BSN: variants seen among roughly 807,000 people sequenced by gnomAD.
BSN encodes the protein protein bassoon.
In BSN, 57 loss-of-function variants were observed where a neutral mutation model predicts 264.8. That is an observed-to-expected ratio of 0.22 (90% CI 0.17 to 0.27). The LOEUF (loss-of-function observed/expected upper bound fraction) is 0.27. BSN is among the 10% of genes least tolerant of loss of function. BSN has a pLI of 1.00. For synonymous variants in BSN, 2,059 were observed against 2,137.3 expected, an observed-to-expected ratio of 0.96 and a Z score of 1.01; for missense variants, 4,615 against 5,232.5, an observed-to-expected ratio of 0.88 and a Z score of 3.64.
chr3:49,625,395 T>A lies in BSN; in HGVS notation c.633+12T>A, dbSNP rs1202846586. The A allele has an allele frequency of 6.8e-7, 1 of 1,460,338 alleles. No homozygotes were observed. The highest frequency in any genetic ancestry group is 1.5e-5 in the South Asian group (1 of 66,824). 90.5% of individuals were successfully genotyped at this position (1,460,338 alleles called of 1,614,324 possible). On this transcript the variant is annotated intron_variant, in intron 2 of 11. Transcript: ENST00000296452. The surrounding 1 kb of genome is among the most constrained non-coding windows in gnomAD (Gnocchi z 4.4). The stretch of plus-strand genomic sequence containing the variant: ...CTCATCTCACCCAGGTAACCACTTC[T>A]GCGCCGGCTCCCCACTCACCTGCTA...
chr3:49,608,853 A>T (rs1245073713), intron 1 of BSN, among the ~76,000 whole-genome samples: 2 of 151,370 alleles, frequency 1.3e-5, no homozygotes, highest in Non-Finnish European at 1.5e-5. Context: ...AAAGAATTGC[A>T]TTCAGTAGGT....
intron 2 of BSN, among the ~76,000 whole-genome samples, chr3:49,634,134 G>A (rs1424890036): frequency 6.6e-6 from 1 of 151,968 alleles, no homozygotes; most frequent in Non-Finnish European, 1.5e-5. Context: ...CTTGAACCCA[G>A]GAGGCGGAGG....
intron 1 of BSN, among the ~76,000 whole-genome samples, chr3:49,619,499 A>G (rs755069595): frequency 1.3e-5 from 2 of 152,172 alleles, no homozygotes; most frequent in Non-Finnish European, 2.9e-5. Context: ...CAGCTCCACC[A>G]TTTGCAAGTC....
chr3:49,585,424 T>C lies in BSN; in HGVS notation c.224+30598T>C, dbSNP rs1477524796. 6.6e-6 allele frequency among the ~76,000 whole-genome samples: 1 copy of C among 152,164 alleles called. No homozygotes were observed. Among genetic ancestry groups the C allele is most frequent in the Non-Finnish European group, 1.5e-5 (1 of 68,018 alleles). ...TTCCTCTGGTGAGGCCGGCGCTCCC[T>C]TCCCAGGCCGCAGCGGACAGACAGG... On this transcript the variant is annotated intron_variant, in intron 1 of 11. Transcript: ENST00000296452. This position sits in a 1 kb window ranked among gnomAD's most constrained non-coding sequence, Gnocchi z 4.7.
In BSN at chr3:49,650,799, C is replaced by A; in HGVS notation, c.1706C>A (p.Pro569His). The change falls in exon 4 of 12, where the codon CCT becomes CAT. Residue 569 changes from proline (P) to histidine (H), a missense_variant. Physicochemically the swap from Pro to His is moderately conservative, Grantham distance 77 (BLOSUM62 -2). Coordinates refer to ENST00000296452, the MANE Select transcript of BSN (RefSeq NM_003458.4). ...CTGGGCCAGCCTTCAGGCCCCCTGC[C>A]TGCCAAGGCCAGCCCTCTATCCACC... is the stretch of plus-strand genomic sequence containing the variant. ...QGLGQPSGPL[P>H]AKASPLSTKA... 6.2e-7 allele frequency: 1 copy of A among 1,613,978 alleles called. No homozygotes were observed. Among genetic ancestry groups the A allele is most frequent in the East Asian group, 2.2e-5 (1 of 44,880 alleles).
intron 1 of BSN, among the ~76,000 whole-genome samples, chr3:49,591,543 A>G (rs1214551917): frequency 1.3e-5 from 2 of 151,976 alleles, no homozygotes; most frequent in African/African-American, 4.8e-5. Flanking sequence ...TTATCTGGTA[A>G]TATCTTTATT....
chr3:49,620,793 T>C (rs2052299431), intron 1 of BSN, among the ~76,000 whole-genome samples: 1 of 152,178 alleles, frequency 6.6e-6, no homozygotes. Flanking sequence ...GTTCAAAGCC[T>C]GGCCAACATG....
chr3:49,610,592 A>AAAC (rs1464056410), intron 1 of BSN, among the ~76,000 whole-genome samples: 1 of 151,380 alleles, frequency 6.6e-6, no homozygotes, highest in Non-Finnish European at 1.5e-5. Context: ...CTCAAAAAAA[A>AAAC]AAAAAAAAAA....
chr3:49,567,288 G>A (rs1036423011), intron 1 of BSN, among the ~76,000 whole-genome samples: 9 of 152,058 alleles, frequency 5.9e-5, no homozygotes, highest in Non-Finnish European at 1.2e-4. Context: ...TGATTAAGAG[G>A]ATATAAAATT....
In BSN at chr3:49,662,904, C is replaced by T. The variant is rs747793602; in HGVS notation, c.10746C>T (p.Asp3582=). The T allele has an allele frequency of 1.9e-6, 3 of 1,596,438 alleles. No individual in the cohort carries two copies. The change falls in exon 7 of 12, where the codon GAC becomes GAT. Residue 3582 remains aspartate, a synonymous_variant. Transcript: ENST00000296452. ...EAYHLGQEET[D]WFDKPRDARS... ...ATCACCTGGGCCAGGAGGAGACGGACTGGTTTGATAAGCCCCGGGATGCCC... is the reference window on the plus strand; with the variant it reads ...ATCACCTGGGCCAGGAGGAGACGGATTGGTTTGATAAGCCCCGGGATGCCC...
In BSN at chr3:49,661,796, C is replaced by A. The variant is rs1469066635; in HGVS notation, c.9951C>A (p.Thr3317=). Residue 3317 remains threonine, a synonymous_variant, in exon 6 of 12, where the codon ACC becomes ACA. Coordinates refer to ENST00000296452, the MANE Select transcript of BSN (RefSeq NM_003458.4). ...SMESNGRPAS[T]HYYGDSDYRH... ...AGAGCAATGGTCGACCAGCCAGTAC[C>A]CACTACTATGGTGACAGTGACTACA... is the stretch of plus-strand genomic sequence containing the variant. The A allele has an allele frequency of 6.2e-7, 1 of 1,613,600 alleles. No individual in the cohort carries two copies. Among genetic ancestry groups the A allele is most frequent in the Non-Finnish European group, 8.5e-7 (1 of 1,180,040 alleles).
intron 1 of BSN, among the ~76,000 whole-genome samples, chr3:49,594,684 T>G (rs1417696125): frequency 1.3e-5 from 2 of 152,172 alleles, no homozygotes; most frequent in Admixed American, 6.5e-5. Flanking sequence ...ACATAAATTT[T>G]AGAATGAGTT....
chr3:49,650,900 A>G lies in BSN; in HGVS notation c.1807A>G (p.Ser603Gly), dbSNP rs374086109. 208 of 1,614,046 alleles carry G rather than the reference A, an allele frequency of 1.3e-4. 1 individual carries two copies. Among genetic ancestry groups the G allele is most frequent in the Non-Finnish European group, 1.7e-4 (196 of 1,180,038 alleles). The change falls in exon 4 of 12, where the codon AGC (serine) becomes GGC (glycine). Residue 603 changes from serine (S) to glycine (G), a missense_variant. Around this residue, in one of 3 missense-constraint regions of BSN, gnomAD observed 1,197 missense variants for 1,348.0 expected, o/e 0.89. Coordinates refer to ENST00000296452, the MANE Select transcript of BSN (RefSeq NM_003458.4). ...GGCTTCTGAACCCAGCAAGACCCCAAGCAGTGTCCAGGAAAAGAAGACCCG... is the reference window on the plus strand; with the variant it reads ...GGCTTCTGAACCCAGCAAGACCCCAGGCAGTGTCCAGGAAAAGAAGACCCG... ...LRASEPSKTP[S>G]SVQEKKTRVP... is the part of the protein sequence containing the mutation.
At chr3:49,605,928 A>ATAG (rs1179808402) in intron 1 of BSN, among the ~76,000 whole-genome samples, 1 of 52,062 alleles carries the variant, frequency 1.9e-5, no homozygotes, top group Non-Finnish European at 3.4e-5. Flanking sequence ...ATAGATATAA[A>ATAG]ATCTATTTAT....
At position 49,653,300 on chromosome 3, in the gene BSN, G is replaced by C; in HGVS notation, c.3744G>C (p.Thr1248=). The C allele has an allele frequency of 6.2e-7, 1 of 1,612,280 alleles. No homozygotes were observed. The highest frequency in any genetic ancestry group is 2.2e-5 in the East Asian group (1 of 44,868). ...GQAAQPAAEG[T]PASLGAAVYE... ...CTGCTCAGCCTGCCGCAGAGGGCAC[G>C]CCAGCCAGCCTGGGAGCAGCCGTGT... The change falls in exon 5 of 12, where the codon ACG becomes ACC. Residue 1248 remains threonine (T), a synonymous_variant. Coordinates refer to ENST00000296452, the MANE Select transcript of BSN (RefSeq NM_003458.4). This position sits in a 1 kb window ranked among gnomAD's most constrained non-coding sequence, Gnocchi z 6.3.
At chr3:49,605,937 A>T (rs1406654966) in intron 1 of BSN, among the ~76,000 whole-genome samples, 3 of 88,404 alleles carry the variant, frequency 3.4e-5, no homozygotes, top group Non-Finnish European at 5.8e-5. Context: ...AAATCTATTT[A>T]TATATAAATA....
intron 2 of BSN, among the ~76,000 whole-genome samples, chr3:49,636,753 A>G (rs1378171433): frequency 6.6e-6 from 1 of 152,204 alleles, no homozygotes; most frequent in Admixed American, 6.5e-5. Context: ...GCCCACTGGG[A>G]CCCTGTGGTA....
Position 49,656,901 on chromosome 3 carries a change from C to G in BSN, c.7345C>G (p.Arg2449Gly). Residue 2449 changes from arginine to glycine, a missense_variant, in exon 5 of 12, where the codon CGT becomes GGT. Coordinates refer to ENST00000296452, the MANE Select transcript of BSN (RefSeq NM_003458.4). ...GCAGCGGGAACAGCTAGCGCAGCAGCGTCTGCAGCTGGAGCAGATCCAGCA... is the reference window on the plus strand; with the variant it reads ...GCAGCGGGAACAGCTAGCGCAGCAGGGTCTGCAGCTGGAGCAGATCCAGCA... Reference protein sequence around the residue: ...ALQREQLAQQRLQLEQIQQLQ... With the variant: ...ALQREQLAQQGLQLEQIQQLQ... 1 of 1,600,532 alleles carries G rather than the reference C, an allele frequency of 6.2e-7. No homozygotes were observed. Among genetic ancestry groups the G allele is most frequent in the Non-Finnish European group, 8.5e-7 (1 of 1,173,422 alleles).
chr3:49,560,094 C>T (rs1253398529), intron 1 of BSN, among the ~76,000 whole-genome samples: 1 of 152,064 alleles, frequency 6.6e-6, no homozygotes, highest in Non-Finnish European at 1.5e-5. Context: ...AAAGTCATGC[C>T]TTTCACCCCA....
Sources: allele counts gnomAD v4.1 joint callset (sites outside exome capture counted in the v4.1 genomes callset), GRCh38; gene constraint gnomAD v4.1.1; regional missense constraint gnomAD v4.1.1; non-coding constraint Gnocchi (gnomAD v3.1); transcripts MANE v1.5; gene names NCBI Gene and HGNC (gene_info 2026-07-23, HGNC 2026-07-21).